The following XYLT1 variants were observed in gnomAD, a reference collection of about 807,000 sequenced individuals.
The protein encoded by XYLT1 is xylosyltransferase 1.
XYLT1 carries 36 observed loss-of-function variants against 91.3 expected under a neutral mutation model. The ratio of observed to expected loss-of-function variants is 0.39; its 90% confidence interval spans 0.30 to 0.52. The LOEUF is 0.52. Ranked by LOEUF, XYLT1 falls within the 20% of genes least tolerant of loss-of-function variation. XYLT1 has a pLI of 0.68. For synonymous variants in XYLT1, 588 were observed against 532.0 expected (o/e 1.11, Z -1.45); for missense variants, 1,242 against 1,284.5 (o/e 0.97, Z 0.51).
rs145486006 is a variant in XYLT1, at chr16:17,302,183, T to C, written c.403-42685A>G. On this transcript the variant is annotated intron_variant, in intron 2 of 11. Coordinates refer to ENST00000261381, the MANE Select transcript of XYLT1 (RefSeq NM_022166.4). ...TTGTGCCACTGCACTCCAGCCTGGG[T>C]GACAGAGCAAGACTCGATCTCAAAA... 6.0e-3 allele frequency among the ~76,000 whole-genome samples: 912 copies of C among 152,132 alleles called. 13 individuals carry two copies. The highest frequency in any genetic ancestry group is 0.021 in the African/African-American group (872 of 41,506).
intron 3 of XYLT1, among the ~76,000 whole-genome samples, chr16:17,218,373 T>TC (rs2032901004): frequency 1.3e-5 from 2 of 151,592 alleles, no homozygotes; most frequent in East Asian, 3.9e-4. Context: ...TTTTTTTTTT[T>TC]ACTTTCCTTT....
chr16:17,458,961 G>A (rs1399081838), intron 1 of XYLT1, among the ~76,000 whole-genome samples: 1 of 152,022 alleles, frequency 6.6e-6, no homozygotes, highest in African/African-American at 2.4e-5. Context: ...TATGATTCCT[G>A]GTCTAGGATA....
intron 1 of XYLT1, among the ~76,000 whole-genome samples, chr16:17,376,728 G>A (rs1172319572): frequency 6.7e-6 from 1 of 149,906 alleles, no homozygotes; most frequent in African/African-American, 2.5e-5. Context: ...TTAGAAAGCT[G>A]AGGCAGGAGA....
At chr16:17,468,249 G>A (rs1041871013) in intron 1 of XYLT1, among the ~76,000 whole-genome samples, 7 of 152,090 alleles carry the variant, frequency 4.6e-5, no homozygotes, top group African/African-American at 1.7e-4. Context: ...GCAGGTCATG[G>A]AGTAGGTGTG....
chr16:17,254,684 C>T (rs767657040), intron 3 of XYLT1, among the ~76,000 whole-genome samples: 27 of 152,292 alleles, frequency 1.8e-4, no homozygotes, highest in East Asian at 3.9e-4. Flanking sequence ...CATGAGCCAC[C>T]GTGCCTGGCC....
Position 17,398,818 on chromosome 16 carries a change from G to GCCCCCC in XYLT1, c.364-40774_364-40769dup, listed in dbSNP as rs71230739. Among the ~76,000 whole-genome samples, 191 of 84,734 alleles carry GCCCCCC rather than the reference G, an allele frequency of 2.3e-3. 4 individuals carry two copies. The highest frequency in any genetic ancestry group is 3.9e-3 in the South Asian group (9 of 2,302). The allele number at this position is 84,734 out of a possible 152,430, so 55.6% of individuals were successfully genotyped here. The stretch of plus-strand genomic sequence containing the variant: ...TGCATGGCTATGTCCAAATGTCCCC[G>GCCCCCC]CCCCCCCCCACTGTTTTTTTGTTTT... On this transcript the variant is annotated intron_variant, in intron 1 of 11. Transcript: ENST00000261381.
At chr16:17,411,714 T>C (rs1364774182) in intron 1 of XYLT1, among the ~76,000 whole-genome samples, 2 of 152,164 alleles carry the variant, frequency 1.3e-5, no homozygotes, top group East Asian at 3.8e-4. Flanking sequence ...AGAGCAGTTG[T>C]GGTACATTCG....
intron 2 of XYLT1, among the ~76,000 whole-genome samples, chr16:17,304,325 G>A (rs907369219): frequency 6.6e-6 from 1 of 152,124 alleles, no homozygotes; most frequent in African/African-American, 2.4e-5. Flanking sequence ...CACAGGTAAG[G>A]GCAGGTGCAA....
intron 5 of XYLT1, among the ~76,000 whole-genome samples, chr16:17,168,595 G>C (rs1186435124): frequency 6.7e-6 from 1 of 148,760 alleles, no homozygotes; most frequent in Non-Finnish European, 1.5e-5. Flanking sequence ...AAAATAAAAG[G>C]TGACTTTTTT....
intron 3 of XYLT1, among the ~76,000 whole-genome samples, chr16:17,209,516 AG>A (rs923985809): frequency 6.6e-6 from 1 of 152,238 alleles, no homozygotes; most frequent in African/African-American, 2.4e-5. Flanking sequence ...GTATATTCCC[AG>A]AAATGGAATT....
At chr16:17,113,846 C>T (rs111840090) in intron 11 of XYLT1, among the ~76,000 whole-genome samples, 1 of 152,382 alleles carries the variant, frequency 6.6e-6, no homozygotes, top group African/African-American at 2.4e-5. Flanking sequence ...GAGCTGAATA[C>T]ATGGTAGCAT....
At chr16:17,337,259 C>G (rs2034994060) in intron 2 of XYLT1, among the ~76,000 whole-genome samples, 1 of 152,264 alleles carries the variant, frequency 6.6e-6, no homozygotes, top group South Asian at 2.1e-4. Context: ...GCAGTCATGG[C>G]TCATTGTAGC....
At chr16:17,323,369 C>T (rs531706178) in intron 2 of XYLT1, among the ~76,000 whole-genome samples, 4 of 152,196 alleles carry the variant, frequency 2.6e-5, no homozygotes, top group South Asian at 2.1e-4. Flanking sequence ...TTCGCGCAGA[C>T]GGCACCATTG....
intron 6 of XYLT1, among the ~76,000 whole-genome samples, chr16:17,155,139 A>C (rs2031373902): frequency 1.3e-5 from 2 of 152,240 alleles, no homozygotes; most frequent in South Asian, 2.1e-4. Flanking sequence ...GAGAGGCTTC[A>C]TCACGTGAGA....
At chr16:17,219,886 C>T (rs2032935318) in intron 3 of XYLT1, among the ~76,000 whole-genome samples, 1 of 152,260 alleles carries the variant, frequency 6.6e-6, no homozygotes, top group African/African-American at 2.4e-5. Flanking sequence ...AAAAAATTAG[C>T]AGGGCGTGGT....
intron 6 of XYLT1, among the ~76,000 whole-genome samples, chr16:17,147,245 G>C (rs1317627616): frequency 6.6e-6 from 1 of 152,230 alleles, no homozygotes; most frequent in Non-Finnish European, 1.5e-5. Flanking sequence ...ACTCTGGCTA[G>C]TGCTAATTAT....
chr16:17,218,591 T>C (rs543017396), intron 3 of XYLT1, among the ~76,000 whole-genome samples: 108 of 152,258 alleles, frequency 7.1e-4, no homozygotes, highest in Non-Finnish European at 1.2e-3. Context: ...AGGTCCTAAT[T>C]TGGTCTTCAA....
intron 1 of XYLT1, among the ~76,000 whole-genome samples, chr16:17,392,285 G>A (rs2035829378): frequency 6.6e-6 from 1 of 152,090 alleles, no homozygotes. Context: ...CATTCTCTCT[G>A]CCGCCTCAAG....
intron 2 of XYLT1, among the ~76,000 whole-genome samples, chr16:17,300,857 A>G (rs1156619948): frequency 1.3e-5 from 2 of 152,126 alleles, no homozygotes; most frequent in African/African-American, 4.8e-5. Flanking sequence ...GACACAAAAT[A>G]ACACGTACAG....
Sources: gnomAD v4.1 joint callset for allele counts (sites outside exome capture counted in the v4.1 genomes callset) on GRCh38, gnomAD v4.1.1 for gene constraint, MANE v1.5 for transcripts, NCBI Gene and HGNC (gene_info 2026-07-23, HGNC 2026-07-21) for gene names.